SMYD3: variants seen among roughly 807,000 people sequenced by gnomAD.
The protein encoded by SMYD3 is histone-lysine N-methyltransferase SMYD3.
In SMYD3, 36 loss-of-function variants were observed where a neutral mutation model predicts 57.7. The observed-to-expected ratio is 0.62, with a 90% CI of 0.48 to 0.82. SMYD3 has a LOEUF of 0.82. Among genes scored for constraint, SMYD3 ranks in the 40% least tolerant of loss-of-function variants. SMYD3 has a pLI of 0.00. For synonymous variants in SMYD3, 211 were observed against 195.0 expected (o/e 1.08, Z -0.68); for missense variants, 515 against 538.8 (o/e 0.96, Z 0.44).
chr1:246,079,917 T>C (rs1420977417), intron 5 of SMYD3, among the ~76,000 whole-genome samples: 5 of 152,158 alleles, frequency 3.3e-5, no homozygotes, highest in Non-Finnish European at 5.9e-5. Flanking sequence ...AGCAGTTTAA[T>C]GCCCAAATAA....
At chr1:246,191,375 C>T (rs1463188277) in intron 5 of SMYD3, among the ~76,000 whole-genome samples, 5 of 152,266 alleles carry the variant, frequency 3.3e-5, no homozygotes, top group South Asian at 4.2e-4. Context: ...AAAAATTCAA[C>T]GTTTTTCCTC....
At chr1:246,402,456 A>G (rs1462087346) in intron 1 of SMYD3, among the ~76,000 whole-genome samples, 1 of 151,386 alleles carries the variant, frequency 6.6e-6, no homozygotes, top group Non-Finnish European at 1.5e-5. Context: ...ATCAAACTAA[A>G]TAGAAGGGTT....
At chr1:246,470,628 CTATATA>C in intron 1 of SMYD3, among the ~76,000 whole-genome samples, 1 of 149,240 alleles carries the variant, frequency 6.7e-6, no homozygotes, top group South Asian at 2.1e-4. Flanking sequence ...TATATACACA[CTATATA>C]TATAGTGTAT....
At chr1:245,808,024 G>C (rs535354136) in intron 10 of SMYD3, among the ~76,000 whole-genome samples, 10 of 151,962 alleles carry the variant, frequency 6.6e-5, no homozygotes, top group Admixed American at 5.2e-4. Flanking sequence ...ATCAAAATGA[G>C]GACAGAAAAA....
At chr1:245,792,155 G>A (rs2148189654) in intron 10 of SMYD3, among the ~76,000 whole-genome samples, 1 of 152,092 alleles carries the variant, frequency 6.6e-6, no homozygotes, top group Non-Finnish European at 1.5e-5. Flanking sequence ...TCTCTTCAAG[G>A]AATATTTATT....
At chr1:246,335,218 A>T in intron 3 of SMYD3, 149 bp downstream of exon 3, 1 of 692,450 alleles carries the variant, frequency 1.4e-6, no homozygotes, top group South Asian at 2.0e-5. Context: ...GGAAGCCAAA[A>T]AATTTGTGAG....
chr1:246,329,020 T>G (rs2065411379), intron 4 of SMYD3, among the ~76,000 whole-genome samples: 2 of 152,218 alleles, frequency 1.3e-5, no homozygotes, highest in African/African-American at 4.8e-5. Flanking sequence ...GGACATGAAC[T>G]CATCATTTTT....
chr1:245,908,419 T>C (rs1212123568), intron 8 of SMYD3, among the ~76,000 whole-genome samples: 1 of 152,198 alleles, frequency 6.6e-6, no homozygotes, highest in Non-Finnish European at 1.5e-5. Flanking sequence ...ACTTCAGCAG[T>C]GGACAGATCA....
At chr1:246,208,590 G>A (rs1375184651) in intron 5 of SMYD3, among the ~76,000 whole-genome samples, 1 of 152,070 alleles carries the variant, frequency 6.6e-6, no homozygotes, top group Non-Finnish European at 1.5e-5. Flanking sequence ...GCTCCTATTA[G>A]GGCTAACGGA....
At chr1:246,477,968 G>C (rs1341504547) in intron 1 of SMYD3, among the ~76,000 whole-genome samples, 2 of 152,210 alleles carry the variant, frequency 1.3e-5, no homozygotes, top group African/African-American at 2.4e-5. Context: ...ATAAAAGTCA[G>C]TCTCAGCTAA....
chr1:246,248,643 T>G (rs1379068190), intron 5 of SMYD3, among the ~76,000 whole-genome samples: 2 of 130,598 alleles, frequency 1.5e-5, no homozygotes, highest in African/African-American at 2.9e-5. Context: ...TTCCTTTTTT[T>G]TTTTTTTTTT....
intron 5 of SMYD3, among the ~76,000 whole-genome samples, chr1:246,094,124 G>A (rs1472227128): frequency 6.6e-6 from 1 of 152,030 alleles, no homozygotes; most frequent in Non-Finnish European, 1.5e-5. Context: ...GCTGTCATGG[G>A]GGCAGCTGCC....
intron 5 of SMYD3, among the ~76,000 whole-genome samples, chr1:245,947,790 A>G (rs2057474313): frequency 9.2e-6 from 1 of 108,120 alleles, no homozygotes; most frequent in African/African-American, 2.5e-5. Flanking sequence ...CTAAGAAAAA[A>G]CACTACCAAT....
chr1:246,261,042 TTTG>T (rs111699160), intron 5 of SMYD3, among the ~76,000 whole-genome samples: 64 of 107,558 alleles, frequency 6.0e-4, no homozygotes, highest in Middle Eastern at 4.1e-3. Flanking sequence ...CTTTCTGGGT[TTTG>T]TTGTTGTTGT....
chr1:246,382,023 T>C (rs1231234796), intron 1 of SMYD3, among the ~76,000 whole-genome samples: 58 of 74,314 alleles, frequency 7.8e-4, no homozygotes, highest in Middle Eastern at 0.011. Flanking sequence ...TAGCCCCAAA[T>C]CCCTCCAGCT....
intron 1 of SMYD3, among the ~76,000 whole-genome samples, chr1:246,368,023 G>A (rs2066135417): frequency 6.6e-6 from 1 of 152,196 alleles, no homozygotes; most frequent in Admixed American, 6.5e-5. Flanking sequence ...GTGGTTCATG[G>A]AGCACAAGTT....
At chr1:246,240,342 T>C (rs552680536) in intron 5 of SMYD3, among the ~76,000 whole-genome samples, 7 of 152,344 alleles carry the variant, frequency 4.6e-5, no homozygotes, top group African/African-American at 1.7e-4. Context: ...ATTTATTAAA[T>C]AGGGAATCTT....
At chr1:246,104,664 C>T (rs567475771) in intron 5 of SMYD3, among the ~76,000 whole-genome samples, 5 of 152,146 alleles carry the variant, frequency 3.3e-5, no homozygotes, top group African/African-American at 1.2e-4. Flanking sequence ...AAGCCTTTCG[C>T]GAGACAGTTT....
chr1:245,778,593 T>A (rs1245819353), intron 10 of SMYD3, among the ~76,000 whole-genome samples: 1 of 152,188 alleles, frequency 6.6e-6, no homozygotes, highest in Non-Finnish European at 1.5e-5. Flanking sequence ...GTATATCTTC[T>A]TTGGAAAATG....
Sources: allele counts gnomAD v4.1 joint callset (sites outside exome capture counted in the v4.1 genomes callset), GRCh38; gene constraint gnomAD v4.1.1; transcripts MANE v1.5; gene names NCBI Gene and HGNC (gene_info 2026-07-23, HGNC 2026-07-21).